The following SEC24D variants were observed in gnomAD, a reference collection of about 807,000 sequenced individuals.
SEC24D encodes protein transport protein Sec24D.
SEC24D carries 69 observed loss-of-function variants against 116.9 expected under a neutral mutation model. That is an observed-to-expected ratio of 0.59 (90% CI 0.49 to 0.72). The LOEUF (loss-of-function observed/expected upper bound fraction) is 0.72. Ranked by LOEUF, SEC24D falls within the 30% of genes least tolerant of loss-of-function variation. The pLI, the probability that SEC24D is intolerant of heterozygous loss-of-function variation, is 0.00. For synonymous variants in SEC24D, 405 were observed against 442.8 expected (o/e 0.91, Z 1.07); for missense variants, 1,131 against 1,264.1 (o/e 0.89, Z 1.60).
chr4:118,829,449 C>T (rs1206250790), intron 2 of SEC24D, among the ~76,000 whole-genome samples: 2 of 152,108 alleles, frequency 1.3e-5, no homozygotes, highest in African/African-American at 2.4e-5. Flanking sequence ...GAGTTCAAGG[C>T]TGCAGTGAGC....
intron 8 of SEC24D, among the ~76,000 whole-genome samples, chr4:118,781,386 T>G (rs915357670): frequency 6.6e-6 from 1 of 152,232 alleles, no homozygotes; most frequent in African/African-American, 2.4e-5. Context: ...GGTTGAAAAT[T>G]CTTTTCTTTA....
At chr4:118,723,833 A>ACTTT (rs1472761155) in intron 22 of SEC24D, among the ~76,000 whole-genome samples, 178 bp from the exon 23 acceptor site, 1 of 152,174 alleles carries the variant, frequency 6.6e-6, no homozygotes, top group Non-Finnish European at 1.5e-5. Flanking sequence ...GGACCCCGAA[A>ACTTT]CCCCAAAACC....
chr4:118,806,963 G>A (rs1729707114), intron 6 of SEC24D, among the ~76,000 whole-genome samples: 1 of 152,006 alleles, frequency 6.6e-6, no homozygotes, highest in Non-Finnish European at 1.5e-5. Context: ...TTCCAGCCTG[G>A]GCAACAGAGC....
At chr4:118,780,715 T>C (rs1728360075) in intron 8 of SEC24D, among the ~76,000 whole-genome samples, 1 of 152,072 alleles carries the variant, frequency 6.6e-6, no homozygotes, top group Non-Finnish European at 1.5e-5. Flanking sequence ...TGTGTGGGAG[T>C]CTAAGTCTCT....
intron 8 of SEC24D, among the ~76,000 whole-genome samples, chr4:118,777,495 T>C (rs28691139): frequency 7.2e-4 from 110 of 152,360 alleles, no homozygotes; most frequent in African/African-American, 2.6e-3. Context: ...CACACTTTCT[T>C]AATCCAGTCT....
At chr4:118,772,248 T>G (rs919157990) in intron 8 of SEC24D, among the ~76,000 whole-genome samples, 1 of 152,190 alleles carries the variant, frequency 6.6e-6, no homozygotes, top group Non-Finnish European at 1.5e-5. Flanking sequence ...AGTGTTTTTA[T>G]CACATAGATC....
chr4:118,748,082 G>C (rs1009860582), intron 13 of SEC24D, among the ~76,000 whole-genome samples: 2 of 152,044 alleles, frequency 1.3e-5, no homozygotes, highest in African/African-American at 4.8e-5. Flanking sequence ...TGCCTAACAC[G>C]GTGAAACCCC....
rs774191420 is a variant in SEC24D at position 118,752,028 on chromosome 4, G to A, written c.1675C>T (p.Pro559Ser). 6.8e-6 allele frequency: 11 copies of A among 1,613,094 alleles called. No homozygotes were observed. Among genetic ancestry groups the A allele is most frequent in the Admixed American group, 1.7e-5 (1 of 59,958 alleles). The change falls in exon 13 of 23, where the codon CCT (proline) becomes TCT (serine). Residue 559 changes from proline to serine, a missense_variant. Coordinates refer to ENST00000280551, the MANE Select transcript of SEC24D (RefSeq NM_014822.4). ...DSNENETVFA[P>S]VIQAGMEALK... ...GCTTCCATGCCAGCCTGGATGACAG[G>A]AGCAAAGACAGTCTCATTTTCATTA...
chr4:118,796,821 A>G (rs935647636), intron 8 of SEC24D, among the ~76,000 whole-genome samples: 2 of 152,220 alleles, frequency 1.3e-5, no homozygotes, highest in African/African-American at 4.8e-5. Flanking sequence ...TCAAAGGATC[A>G]TTAGATCCAA....
intron 15 of SEC24D, among the ~76,000 whole-genome samples, chr4:118,743,394 T>A (rs1004560133): frequency 3.3e-5 from 5 of 152,076 alleles, no homozygotes; most frequent in African/African-American, 1.2e-4. Flanking sequence ...TCTCTCGTTA[T>A]CTGTGAGGGA....
chr4:118,807,401 G>T (rs1027743691), intron 6 of SEC24D, among the ~76,000 whole-genome samples: 1 of 151,582 alleles, frequency 6.6e-6, no homozygotes, highest in Non-Finnish European at 1.5e-5. Context: ...GTTAAAAAGA[G>T]AACAAGAAAG....
intron 13 of SEC24D, 25 bp from the exon 14 acceptor site, chr4:118,745,085 A>C: frequency 1.5e-6 from 2 of 1,338,562 alleles, no homozygotes; most frequent in Non-Finnish European, 2.1e-6. Context: ...AAACCCAAAA[A>C]CCCACAGAAA....
intron 8 of SEC24D, among the ~76,000 whole-genome samples, chr4:118,796,753 TTGCAGA>T (rs939941298): frequency 6.6e-6 from 1 of 152,246 alleles, no homozygotes; most frequent in African/African-American, 2.4e-5. Flanking sequence ...CTGTTTGCTC[TTGCAGA>T]TGCTCTGCCT....
chr4:118,728,751 T>A, intron 21 of SEC24D, 101 bp from the exon 22 acceptor site: 2 of 700,562 alleles, frequency 2.9e-6, no homozygotes, highest in Non-Finnish European at 4.5e-6. Flanking sequence ...AACCATGTAC[T>A]TGAACATTGG....
chr4:118,817,760 C>T (rs1434524166), intron 3 of SEC24D, among the ~76,000 whole-genome samples: 2 of 152,128 alleles, frequency 1.3e-5, no homozygotes, highest in Admixed American at 6.5e-5. Flanking sequence ...ACAATACAGC[C>T]AGGAGCAGCG....
intron 11 of SEC24D, among the ~76,000 whole-genome samples, chr4:118,755,214 T>G (rs567561450): frequency 1.3e-3 from 193 of 152,238 alleles, no homozygotes; most frequent in African/African-American, 4.4e-3. Flanking sequence ...AGAAGAAAAC[T>G]AATTTTCAGC....
At chr4:118,735,820 A>T (rs1725929478) in intron 19 of SEC24D, 1 of 151,186 alleles carries the variant, frequency 6.6e-6, no homozygotes, top group Non-Finnish European at 1.5e-5. Context: ...CAGCCTCCTG[A>T]GTGGCTGGGA....
At chr4:118,724,334 G>A (rs935892600) in intron 22 of SEC24D, among the ~76,000 whole-genome samples, 1 of 152,116 alleles carries the variant, frequency 6.6e-6, no homozygotes, top group Admixed American at 6.5e-5. Flanking sequence ...CTAGACCTGT[G>A]CTGTCCAGTA....
chr4:118,724,217 T>C (rs1725291392), intron 22 of SEC24D, among the ~76,000 whole-genome samples: 1 of 152,070 alleles, frequency 6.6e-6, no homozygotes, highest in Non-Finnish European at 1.5e-5. Flanking sequence ...GATCAGGTTC[T>C]GAATTAGAGC....
Sources: gnomAD v4.1 joint callset for allele counts (sites outside exome capture counted in the v4.1 genomes callset) on GRCh38, gnomAD v4.1.1 for gene constraint, MANE v1.5 for transcripts, NCBI Gene and HGNC (gene_info 2026-07-23, HGNC 2026-07-21) for gene names.